EYA1: variants seen among roughly 807,000 people sequenced by gnomAD.
The protein encoded by EYA1 is EYA transcriptional coactivator and phosphatase 1.
EYA1 carries 16 observed loss-of-function variants against 82.0 expected under a neutral mutation model. That is an observed-to-expected ratio of 0.20 (90% CI 0.13 to 0.30). The LOEUF (loss-of-function observed/expected upper bound fraction) is 0.30, where lower values mean the gene tolerates loss of function less well. Among genes scored for constraint, EYA1 ranks in the 10% least tolerant of loss-of-function variants. The probability of loss-of-function intolerance (pLI) is 1.00; values close to 1 mark genes in which losing one functional copy is unlikely to be tolerated. For synonymous variants in EYA1, 261 were observed against 264.4 expected, an observed-to-expected ratio of 0.99 and a Z score of 0.12; for missense variants, 633 against 730.7, an observed-to-expected ratio of 0.87 and a Z score of 1.54.
intron 9 of EYA1, among the ~76,000 whole-genome samples, chr8:71,284,289 G>A (rs1393266754): frequency 6.6e-6 from 1 of 152,142 alleles, no homozygotes; most frequent in East Asian, 1.9e-4. Context: ...TCACTCTTTG[G>A]GAAAATAACC....
At chr8:71,233,702 T>C (rs1811506428) in intron 12 of EYA1, among the ~76,000 whole-genome samples, 1 of 152,230 alleles carries the variant, frequency 6.6e-6, no homozygotes, top group Non-Finnish European at 1.5e-5. Context: ...TGTCTTGACA[T>C]TAAGGATTTT....
chr8:71,473,416 A>C (rs1809391454), intron 2 of EYA1, among the ~76,000 whole-genome samples: 1 of 152,126 alleles, frequency 6.6e-6, no homozygotes, highest in Non-Finnish European at 1.5e-5. Context: ...TCTCAAAAGA[A>C]GTCATTTATG....
At chr8:71,315,968 T>C (rs1308554851) in intron 7 of EYA1, among the ~76,000 whole-genome samples, 1 of 151,886 alleles carries the variant, frequency 6.6e-6, no homozygotes, top group Non-Finnish European at 1.5e-5. Flanking sequence ...TACAGGAAAA[T>C]AGACTCTTAA....
chr8:71,225,026 G>C (rs13262002), intron 12 of EYA1: 109,050 of 258,410 alleles, frequency 0.42, 26,761 homozygotes, highest in African/African-American at 0.74. Context: ...TACATCAAGT[G>C]TAGGCTCCGT....
At chr8:71,399,100 C>T (rs914671753) in intron 2 of EYA1, among the ~76,000 whole-genome samples, 7 of 152,304 alleles carry the variant, frequency 4.6e-5, no homozygotes, top group Admixed American at 1.3e-4. Flanking sequence ...AAGCCATGTG[C>T]GGGATATAAT....
chr8:71,420,962 T>C (rs898427256), intron 2 of EYA1, among the ~76,000 whole-genome samples: 3 of 152,178 alleles, frequency 2.0e-5, no homozygotes, highest in East Asian at 3.8e-4. Flanking sequence ...ATACTCTTGA[T>C]TTTTTAAAAA....
intron 2 of EYA1, among the ~76,000 whole-genome samples, chr8:71,491,485 G>C (rs1369969929): frequency 6.6e-6 from 1 of 152,166 alleles, no homozygotes; most frequent in Non-Finnish European, 1.5e-5. Flanking sequence ...ATTTGGAGAC[G>C]GGGTTTTAAA....
intron 11 of EYA1, among the ~76,000 whole-genome samples, chr8:71,257,257 A>C (rs1433002319): frequency 6.6e-6 from 1 of 152,176 alleles, no homozygotes; most frequent in Non-Finnish European, 1.5e-5. Flanking sequence ...AGATATACAT[A>C]AACAAGATTG....
chr8:71,391,027 G>A (rs1389816621), intron 2 of EYA1, among the ~76,000 whole-genome samples: 8 of 152,138 alleles, frequency 5.3e-5, no homozygotes, highest in Non-Finnish European at 7.3e-5. Flanking sequence ...AGGCTGGAGT[G>A]CAGTGGTGCG....
chr8:71,329,529 A>G (rs2129041706), intron 4 of EYA1, among the ~76,000 whole-genome samples: 1 of 152,234 alleles, frequency 6.6e-6, no homozygotes, highest in Non-Finnish European at 1.5e-5. Flanking sequence ...AGGCAGCCTC[A>G]GACTTCCCCA....
At chr8:71,361,537 T>G in intron 1 of EYA1, 110 bp downstream of exon 1, 1 of 479,872 alleles carries the variant, frequency 2.1e-6, no homozygotes, top group Non-Finnish European at 2.7e-6. Flanking sequence ...ATGTTTTTCT[T>G]TGAAAACAAA....
At chr8:71,346,431 A>AAAATAT (rs1554561505) in intron 3 of EYA1, among the ~76,000 whole-genome samples, 1 of 105,492 alleles carries the variant, frequency 9.5e-6, no homozygotes, top group African/African-American at 3.4e-5. Context: ...TACTGCAGTG[A>AAAATAT]ATATATATAT....
intron 16 of EYA1, among the ~76,000 whole-genome samples, chr8:71,212,165 C>T (rs572361528): frequency 2.0e-5 from 3 of 152,204 alleles, no homozygotes; most frequent in South Asian, 2.1e-4. Context: ...AATGGCTGAG[C>T]GAAGCCTGCA....
chr8:71,298,581 C>T (rs1006274444), intron 9 of EYA1, among the ~76,000 whole-genome samples: 16 of 152,142 alleles, frequency 1.1e-4, no homozygotes, highest in Non-Finnish European at 2.2e-4. Flanking sequence ...TCATGAAATT[C>T]ACAGCAGGCC....
rs541081012 is a variant in EYA1 at position 71,452,152 on chromosome 8, C to T, written c.33+83592G>A. On this transcript the variant is annotated intron_variant, in intron 2 of 18. Transcript: ENST00000643681. The stretch of plus-strand genomic sequence containing the variant: ...ACGCATGGCTTGGAGGGTCCCACAC[C>T]CACAGAGCCTCACTCATTGCTAGCA... Among the ~76,000 whole-genome samples the T allele has an allele frequency of 2.6e-5, 4 of 152,328 alleles. No homozygotes were observed. The South Asian group carries it at 8.3e-4, about 32-fold the overall frequency.
intron 2 of EYA1, among the ~76,000 whole-genome samples, chr8:71,525,457 T>G (rs534321090): frequency 5.9e-5 from 9 of 152,242 alleles, no homozygotes; most frequent in African/African-American, 2.2e-4. Flanking sequence ...TTAGAAAAAT[T>G]TTTCAATGAA....
chr8:71,536,242 A>G (rs1383250496), intron 1 of EYA1, among the ~76,000 whole-genome samples: 2 of 152,128 alleles, frequency 1.3e-5, no homozygotes, highest in Middle Eastern at 6.3e-3. Flanking sequence ...CAGCTGCACC[A>G]CAATGCAAAG....
At chr8:71,347,544 G>A (rs760122775) in intron 3 of EYA1, among the ~76,000 whole-genome samples, 3 of 151,898 alleles carry the variant, frequency 2.0e-5, no homozygotes, top group Non-Finnish European at 4.4e-5. Context: ...GGATAGTCTC[G>A]ATCTCCTGAC....
At chr8:71,300,658 A>G (rs1000901700) in intron 7 of EYA1, among the ~76,000 whole-genome samples, 3 of 152,102 alleles carry the variant, frequency 2.0e-5, no homozygotes, top group African/African-American at 4.8e-5. Flanking sequence ...GATTTATACA[A>G]AGAGATAGCA....
Sources: allele counts gnomAD v4.1 joint callset (sites outside exome capture counted in the v4.1 genomes callset), GRCh38; gene constraint gnomAD v4.1.1; transcripts MANE v1.5; gene names NCBI Gene and HGNC (gene_info 2026-07-23, HGNC 2026-07-21).